ASAP1: variants seen among roughly 807,000 people sequenced by gnomAD.
ASAP1 encodes the protein arf-GAP with SH3 domain, ANK repeat and PH domain-containing protein 1.
A neutral mutation model predicts 145.2 loss-of-function variants in ASAP1; 43 were observed. The ratio of observed to expected loss-of-function variants is 0.30; its 90% CI spans 0.23 to 0.38. The LOEUF is 0.38. Ranked by LOEUF, ASAP1 falls within the 10% of genes least tolerant of loss-of-function variation. The pLI is 1.00. For missense variants in ASAP1, 1,018 were observed against 1,355.3 expected (o/e 0.75, Z 3.91); for synonymous variants, 546 against 515.5 (o/e 1.06, Z -0.80).
intron 2 of ASAP1, among the ~76,000 whole-genome samples, chr8:130,386,216 C>T (rs1828009400): frequency 6.6e-6 from 1 of 152,120 alleles, no homozygotes; most frequent in African/African-American, 2.4e-5. Context: ...AGTGGTGATG[C>T]AGAGAAAAGG....
At chr8:130,321,707 G>A (rs1824016320) in intron 3 of ASAP1, among the ~76,000 whole-genome samples, 1 of 152,080 alleles carries the variant, frequency 6.6e-6, no homozygotes, top group African/African-American at 2.4e-5. Flanking sequence ...AATTGTCTAA[G>A]TTCTTCCACT....
intron 1 of ASAP1, among the ~76,000 whole-genome samples, chr8:130,421,083 C>A (rs1270134711): frequency 1.3e-5 from 2 of 152,162 alleles, no homozygotes; most frequent in Non-Finnish European, 2.9e-5. Flanking sequence ...CCATCCCTTA[C>A]TAGCTGTGTG....
At position 130,061,073 on chromosome 8, in the gene ASAP1, T is replaced by C. The variant is rs1255864400; in HGVS notation, c.2702-4A>G. ...TGATCTGTTTTCCTTAGTGCCACTG[T>C]GGAAGCAATCAAAAACAAGGAGGTC... is the stretch of plus-strand genomic sequence containing the variant. On this transcript the variant is annotated splice_region_variant and splice_polypyrimidine_tract_variant and intron_variant, in intron 27 of 29. Transcript: ENST00000518721. The C allele has an allele frequency of 3.9e-6, 6 of 1,521,344 alleles. No homozygotes were observed. Among genetic ancestry groups the C allele is most frequent in the African/African-American group, 1.4e-5 (1 of 71,666 alleles). 94.2% of individuals were successfully genotyped at this position (1,521,344 alleles called of 1,614,324 possible).
chr8:130,128,786 T>A (rs562964880), intron 15 of ASAP1, among the ~76,000 whole-genome samples: 1 of 152,254 alleles, frequency 6.6e-6, no homozygotes, highest in Non-Finnish European at 1.5e-5. Context: ...AGGCCTGAAA[T>A]AACCACAAAG....
chr8:130,206,655 G>A (rs1486823126), intron 5 of ASAP1, among the ~76,000 whole-genome samples: 1 of 152,116 alleles, frequency 6.6e-6, no homozygotes, highest in African/African-American at 2.4e-5. Flanking sequence ...GAAACCAGAT[G>A]CATGGTGAGT....
chr8:130,248,053 A>G (rs529237882), intron 3 of ASAP1, among the ~76,000 whole-genome samples: 34 of 152,310 alleles, frequency 2.2e-4, no homozygotes, highest in African/African-American at 8.2e-4. Flanking sequence ...TGATTGGTAG[A>G]AAAATCCTTG....
intron 2 of ASAP1, among the ~76,000 whole-genome samples, chr8:130,367,588 G>A (rs935642205): frequency 5.3e-5 from 8 of 152,042 alleles, no homozygotes; most frequent in African/African-American, 1.7e-4. Flanking sequence ...CACCTCCCTC[G>A]GCCTCATTTT....
chr8:130,442,757 AG>A (rs1830529179), intron 1 of ASAP1, among the ~76,000 whole-genome samples: 1 of 152,178 alleles, frequency 6.6e-6, no homozygotes, highest in South Asian at 2.1e-4. Flanking sequence ...GAAGTGCCCA[AG>A]ATGAACCTCT....
chr8:130,393,683 G>C (rs1026069411), intron 2 of ASAP1, among the ~76,000 whole-genome samples: 4 of 152,162 alleles, frequency 2.6e-5, no homozygotes, highest in Admixed American at 2.0e-4. Flanking sequence ...TTGAACCCAG[G>C]AGGCAGAGAT....
intron 5 of ASAP1, among the ~76,000 whole-genome samples, chr8:130,204,467 G>T (rs143322680): frequency 8.3e-4 from 126 of 152,216 alleles, no homozygotes; most frequent in Middle Eastern, 6.8e-3. Flanking sequence ...CTACCTGGTA[G>T]GGCTGCTGTG....
At chr8:130,373,095 C>G (rs1334873462) in intron 2 of ASAP1, among the ~76,000 whole-genome samples, 1 of 140,314 alleles carries the variant, frequency 7.1e-6, no homozygotes, top group Non-Finnish European at 1.5e-5. Flanking sequence ...CCCCCCCACA[C>G]ACACAGAAAT....
At chr8:130,351,801 G>A (rs756159280) in intron 3 of ASAP1, among the ~76,000 whole-genome samples, 5 of 152,132 alleles carry the variant, frequency 3.3e-5, no homozygotes, top group African/African-American at 7.2e-5. Flanking sequence ...CCCCACCTCC[G>A]ACACTGGGGA....
intron 27 of ASAP1, among the ~76,000 whole-genome samples, chr8:130,067,542 C>T (rs547233001): frequency 5.9e-5 from 9 of 152,246 alleles, no homozygotes; most frequent in South Asian, 2.1e-4. Flanking sequence ...ACCACAGGTG[C>T]GGACCACCAC....
At chr8:130,054,899 A>G (rs1261516243) in intron 29 of ASAP1, 94 bp from the exon 30 acceptor site, 2 of 977,166 alleles carry the variant, frequency 2.0e-6, no homozygotes, top group African/African-American at 1.6e-5. Flanking sequence ...GTCTGCCCAC[A>G]GACCTGGCGG....
At chr8:130,238,009 T>C (rs1281260865) in intron 3 of ASAP1, among the ~76,000 whole-genome samples, 1 of 152,130 alleles carries the variant, frequency 6.6e-6, no homozygotes, top group Non-Finnish European at 1.5e-5. Context: ...TTACATCATC[T>C]AAACCTCAGA....
chr8:130,289,138 T>C (rs1821797345), intron 3 of ASAP1, among the ~76,000 whole-genome samples: 1 of 152,138 alleles, frequency 6.6e-6, no homozygotes, highest in South Asian at 2.1e-4. Context: ...GTGAGCCAAG[T>C]TGGTGCCACG....
intron 1 of ASAP1, among the ~76,000 whole-genome samples, chr8:130,434,143 C>T (rs998744670): frequency 1.3e-5 from 2 of 152,118 alleles, no homozygotes; most frequent in African/African-American, 4.8e-5. Flanking sequence ...CAGCAAAACC[C>T]CATCTCTACT....
At chr8:130,078,921 T>A (rs1206045617) in intron 26 of ASAP1, among the ~76,000 whole-genome samples, 1 of 152,042 alleles carries the variant, frequency 6.6e-6, no homozygotes, top group Admixed American at 6.6e-5. Context: ...AGGCTGGATA[T>A]GGTGGCTCCC....
chr8:130,298,053 C>T (rs61436058), intron 3 of ASAP1, among the ~76,000 whole-genome samples: 1 of 152,276 alleles, frequency 6.6e-6, no homozygotes, highest in African/African-American at 2.4e-5. Context: ...GTCTTCATTG[C>T]TAAACATGGG....
Sources: gnomAD v4.1 joint callset for allele counts (sites outside exome capture counted in the v4.1 genomes callset) on GRCh38, gnomAD v4.1.1 for gene constraint, MANE v1.5 for transcripts, NCBI Gene and HGNC (gene_info 2026-07-23, HGNC 2026-07-21) for gene names.